The following ATP10D variants were observed in gnomAD, a reference collection of about 807,000 sequenced individuals.
The protein encoded by ATP10D is phospholipid-transporting ATPase VD.
In ATP10D, 89 loss-of-function variants were observed where a neutral mutation model predicts 144.8. The observed-to-expected ratio is 0.61, with a 90% CI of 0.52 to 0.73. The LOEUF (loss-of-function observed/expected upper bound fraction) is 0.73. ATP10D is among the 30% of genes least tolerant of loss of function. The pLI is 0.00. For synonymous variants in ATP10D, 571 were observed against 615.1 expected (o/e 0.93, Z 1.06); for missense variants, 1,603 against 1,714.8 (o/e 0.93, Z 1.15).
chr4:47,577,107 T>A (rs1720278969), intron 19 of ATP10D, 134 bp downstream of exon 19: 2 of 775,154 alleles, frequency 2.6e-6, no homozygotes, highest in Non-Finnish European at 4.2e-6. Context: ...GATCTCTACT[T>A]ATGTGGCAGA....
Position 47,558,922 on chromosome 4 carries a change from G to A in ATP10D, c.2435-1G>A. The A allele has an allele frequency of 6.2e-7, 1 of 1,610,710 alleles. No individual in the cohort carries two copies. The highest frequency in any genetic ancestry group is 8.5e-7 in the Non-Finnish European group (1 of 1,178,144). On this transcript the variant is annotated splice_acceptor_variant, in intron 12 of 22. Transcript: ENST00000273859. LOFTEE classifies it high-confidence loss of function. The stretch of plus-strand genomic sequence containing the variant: ...CTCAAGCATCTTGTCCATTATTTCA[G>A]ATGGAGCAAGTCTGGAGAAACAACA...
At chr4:47,543,710 A>G (rs1718273188) in intron 9 of ATP10D, among the ~76,000 whole-genome samples, 1 of 152,152 alleles carries the variant, frequency 6.6e-6, no homozygotes, top group Non-Finnish European at 1.5e-5. Context: ...TAGCTGTTTA[A>G]TCATGGTTGA....
At chr4:47,537,705 C>T (rs1717924443) in intron 9 of ATP10D, among the ~76,000 whole-genome samples, 1 of 151,872 alleles carries the variant, frequency 6.6e-6, no homozygotes, top group South Asian at 2.1e-4. Flanking sequence ...GAAATTTTTC[C>T]TAAGTCAGTT....
At chr4:47,546,235 G>A (rs1454473750) in intron 9 of ATP10D, among the ~76,000 whole-genome samples, 1 of 152,148 alleles carries the variant, frequency 6.6e-6, no homozygotes, top group Non-Finnish European at 1.5e-5. Context: ...ATTACTTAAA[G>A]AAAGATTGGT....
chr4:47,508,329 A>G (rs1716132031), intron 1 of ATP10D, among the ~76,000 whole-genome samples: 1 of 152,216 alleles, frequency 6.6e-6, no homozygotes, highest in Non-Finnish European at 1.5e-5. Context: ...ATTTACTTGG[A>G]CAACTTTAAA....
At chr4:47,526,036 G>A (rs1717228267) in intron 5 of ATP10D, among the ~76,000 whole-genome samples, 1 of 152,142 alleles carries the variant, frequency 6.6e-6, no homozygotes, top group Non-Finnish European at 1.5e-5. Context: ...GAAGAGCAAA[G>A]TTCCCAAATC....
intron 4 of ATP10D, 74 bp from the exon 5 acceptor site, chr4:47,525,483 G>T: frequency 9.4e-7 from 1 of 1,062,208 alleles, no homozygotes; most frequent in Non-Finnish European, 1.4e-6. Context: ...AAGAATTGAT[G>T]AAAGTGATAA....
Position 47,575,962 on chromosome 4 carries a change from C to T in ATP10D, c.3367-811C>T, listed in dbSNP as rs1042253277. On this transcript the variant is annotated intron_variant, in intron 18 of 22. Coordinates refer to ENST00000273859, the MANE Select transcript of ATP10D (RefSeq NM_020453.4). ...TTTTTTTTTTTTTGAGACGGAGTCT[C>T]GCTCTGTCGCCCAGGCTGGAGTGCA... Among the ~76,000 whole-genome samples the T allele has an allele frequency of 1.0e-4, 12 of 120,490 alleles. No homozygotes were observed. The East Asian group carries it at 2.1e-3, about 21-fold the overall frequency. The allele number at this position is 120,490 out of a possible 152,430, so 79.0% of individuals were successfully genotyped here.
At chr4:47,525,508 A>C (rs746290438) in intron 4 of ATP10D, 49 bp from the exon 5 acceptor site, 1 of 1,312,008 alleles carries the variant, frequency 7.6e-7, no homozygotes, top group South Asian at 1.2e-5. Flanking sequence ...CTTCAATATT[A>C]AGGGTTTAAC....
chr4:47,582,695 C>T (rs1306367550), intron 21 of ATP10D, among the ~76,000 whole-genome samples: 1 of 152,084 alleles, frequency 6.6e-6, no homozygotes, highest in Non-Finnish European at 1.5e-5. Context: ...TTTGCATTCC[C>T]CCTTGCATCC....
chr4:47,584,748 A>G (rs1029238174), intron 21 of ATP10D, among the ~76,000 whole-genome samples: 4 of 152,180 alleles, frequency 2.6e-5, no homozygotes, highest in Non-Finnish European at 5.9e-5. Flanking sequence ...AAATAGAAGG[A>G]AAGACATTTG....
At chr4:47,573,090 A>G in intron 18 of ATP10D, 93 bp downstream of exon 18, 1 of 1,443,774 alleles carries the variant, frequency 6.9e-7, no homozygotes, top group African/African-American at 1.4e-5. Flanking sequence ...TGCTAAGCTC[A>G]CTTTCCTTAT....
chr4:47,568,809 G>T, intron 15 of ATP10D, 28 bp from the exon 16 acceptor site: 1 of 1,592,474 alleles, frequency 6.3e-7, no homozygotes, highest in Non-Finnish European at 8.6e-7. Flanking sequence ...GCGCCTGGAG[G>T]CTAACCACCT....
At chr4:47,516,628 C>A (rs1046134645) in intron 3 of ATP10D, among the ~76,000 whole-genome samples, 3 of 152,148 alleles carry the variant, frequency 2.0e-5, no homozygotes, top group Admixed American at 2.0e-4. Flanking sequence ...GTATTTTGTT[C>A]ATTATTAGAA....
chr4:47,552,215 C>T (rs145382603), intron 10 of ATP10D, among the ~76,000 whole-genome samples: 66 of 152,294 alleles, frequency 4.3e-4, no homozygotes, highest in Non-Finnish European at 7.9e-4. Flanking sequence ...CTTCTGTTCT[C>T]GTGGCCACAG....
rs558823561 is a variant in ATP10D at position 47,540,097 on chromosome 4, CAT to C, written c.1396+3160_1396+3161del. On this transcript the variant is annotated intron_variant, in intron 9 of 22. Transcript: ENST00000273859. Reference sequence around the variant, plus strand: ...TTATGCAGTGGTTTAAAATTAAACACATGTGTATACACACACACACAAACTAG... The same window carrying C: ...TTATGCAGTGGTTTAAAATTAAACACGTGTATACACACACACACAAACTAG... Among the ~76,000 whole-genome samples the C allele has an allele frequency of 3.9e-3, 592 of 152,318 alleles. 5 individuals carry two copies. Among genetic ancestry groups the C allele is most frequent in the African/African-American group, 0.014 (575 of 41,570 alleles).
chr4:47,549,597 G>A (rs774511468), intron 10 of ATP10D, among the ~76,000 whole-genome samples: 8 of 152,230 alleles, frequency 5.3e-5, no homozygotes, highest in African/African-American at 1.4e-4. Context: ...TGAATAAGAC[G>A]TGGCCTCAGC....
intron 1 of ATP10D, among the ~76,000 whole-genome samples, chr4:47,489,126 A>G (rs1560402964): frequency 1.3e-5 from 2 of 152,182 alleles, no homozygotes; most frequent in Non-Finnish European, 2.9e-5. Context: ...GATATAAATG[A>G]GCAATTCGCA....
chr4:47,557,833 G>A lies in ATP10D; in HGVS notation c.1994G>A (p.Arg665Gln), dbSNP rs146116655. Reference protein sequence around the residue: ...AFVSRLPLFSRMKPASPVEEE... With the variant: ...AFVSRLPLFSQMKPASPVEEE... ...GTGAGCAGACTCCCTCTCTTTAGTC[G>A]AATGAAACCAGCTTCACCTGTGGAG... The change falls in exon 12 of 23, where the codon CGA becomes CAA. Residue 665 changes from arginine to glutamine, a missense_variant. Physicochemically the swap from Arg to Gln is conservative, Grantham distance 43. Transcript: ENST00000273859. 24 of 1,614,148 alleles carry A rather than the reference G, an allele frequency of 1.5e-5. No individual in the cohort carries two copies. Among genetic ancestry groups the A allele is most frequent in the East Asian group, 6.7e-5 (3 of 44,884 alleles).
Sources: gnomAD v4.1 joint callset for allele counts (sites outside exome capture counted in the v4.1 genomes callset) on GRCh38, gnomAD v4.1.1 for gene constraint, MANE v1.5 for transcripts, NCBI Gene and HGNC (gene_info 2026-07-23, HGNC 2026-07-21) for gene names.